VPS54: variants seen among roughly 807,000 people sequenced by gnomAD.
VPS54 encodes the protein vacuolar protein sorting-associated protein 54.
Under a neutral mutation model 121.5 loss-of-function variants are expected in VPS54, and 45 were observed. The ratio of observed to expected loss-of-function variants is 0.37; its 90% CI spans 0.29 to 0.47. The LOEUF is 0.47. Among genes scored for constraint, VPS54 ranks in the 20% least tolerant of loss-of-function variants. VPS54 has a pLI of 0.99. For synonymous variants in VPS54, 371 were observed against 385.8 expected (o/e 0.96, Z 0.45); for missense variants, 1,090 against 1,131.4 (o/e 0.96, Z 0.52).
At chr2:63,925,694 T>G (rs1272428886) in intron 12 of VPS54, among the ~76,000 whole-genome samples, 1 of 152,252 alleles carries the variant, frequency 6.6e-6, no homozygotes, top group African/African-American at 2.4e-5. Context: ...ACAACCTGGA[T>G]AGATATCACA....
In VPS54 at chr2:63,892,463, T is replaced by C. The variant is rs989224605; in HGVS notation, c.*967A>G. On this transcript the variant is annotated 3_prime_UTR_variant, in exon 23 of 23. Coordinates refer to ENST00000272322, the MANE Select transcript of VPS54 (RefSeq NM_016516.3). The stretch of plus-strand genomic sequence containing the variant: ...CACAGCAGCCTATAGTTTTAAAAGT[T>C]CTGTTTCTCCCTGGTCTTTGTTCGT... 1 of 152,516 alleles carries C rather than the reference T, an allele frequency of 6.6e-6. No homozygotes were observed. Among genetic ancestry groups the C allele is most frequent in the Non-Finnish European group, 1.5e-5 (1 of 68,004 alleles). 9.4% of individuals were successfully genotyped at this position (152,516 alleles called of 1,614,324 possible).
At chr2:63,946,477 G>A (rs1447757304) in intron 9 of VPS54, among the ~76,000 whole-genome samples, 1 of 152,038 alleles carries the variant, frequency 6.6e-6, no homozygotes, top group African/African-American at 2.4e-5. Context: ...CAAAGTGGTT[G>A]TACCAATTTA....
chr2:64,004,091 T>C (rs572581371), intron 1 of VPS54, among the ~76,000 whole-genome samples: 1 of 152,158 alleles, frequency 6.6e-6, no homozygotes, highest in African/African-American at 2.4e-5. Context: ...ACTGGCCACA[T>C]TTGGGACAAC....
rs111813991 is a variant in VPS54 at position 63,946,929 on chromosome 2, C to T, written c.1245+454G>A. Among the ~76,000 whole-genome samples, 47 of 151,972 alleles carry T rather than the reference C, an allele frequency of 3.1e-4. 1 individual carries two copies. Among genetic ancestry groups the T allele is most frequent in the African/African-American group, 9.2e-4 (38 of 41,508 alleles). On this transcript the variant is annotated intron_variant, in intron 9 of 22. Coordinates refer to ENST00000272322, the MANE Select transcript of VPS54 (RefSeq NM_016516.3). ...GTCTAAGAACAAACATTCTTAAGTA[C>T]GAAAAACAAACAAAATAACTTTATA...
intron 3 of VPS54, among the ~76,000 whole-genome samples, chr2:63,975,887 A>G (rs947116166): frequency 1.3e-4 from 20 of 152,218 alleles, no homozygotes; most frequent in African/African-American, 4.8e-4. Context: ...CTGGGATTAC[A>G]GGCATGCGCC....
chr2:63,979,902 T>A (rs1676730388), intron 3 of VPS54, among the ~76,000 whole-genome samples: 1 of 152,180 alleles, frequency 6.6e-6, no homozygotes, highest in South Asian at 2.1e-4. Context: ...TAGAATATAG[T>A]CTATGTCCAT....
intron 11 of VPS54, among the ~76,000 whole-genome samples, chr2:63,939,012 T>G (rs1369424106): frequency 6.6e-6 from 1 of 152,172 alleles, no homozygotes; most frequent in African/African-American, 2.4e-5. Context: ...AATATGAAAT[T>G]TATAAATCCC....
intron 10 of VPS54, among the ~76,000 whole-genome samples, chr2:63,943,553 A>T (rs1271798105): frequency 6.6e-6 from 1 of 152,208 alleles, no homozygotes; most frequent in Non-Finnish European, 1.5e-5. Flanking sequence ...TTAATACTCC[A>T]TTCTGTGAGT....
intron 3 of VPS54, among the ~76,000 whole-genome samples, chr2:63,976,825 C>CTTTTTTTT (rs1174931536): frequency 4.5e-5 from 4 of 89,678 alleles, no homozygotes; most frequent in African/African-American, 4.1e-5. Context: ...TATATCTTCT[C>CTTTTTTTT]TTTTTTTTTT....
At chr2:63,997,643 C>T (rs1373083293) in intron 1 of VPS54, among the ~76,000 whole-genome samples, 1 of 151,592 alleles carries the variant, frequency 6.6e-6, no homozygotes, top group Non-Finnish European at 1.5e-5. Flanking sequence ...TTTATCTTTT[C>T]AAAAACCCAA....
intron 1 of VPS54, among the ~76,000 whole-genome samples, chr2:64,017,152 T>C (rs576681781): frequency 0.01 from 1,527 of 150,870 alleles, 15 homozygotes; most frequent in Non-Finnish European, 0.016. Context: ...CCAGCCTGGC[T>C]AATATGGTGA....
intron 12 of VPS54, among the ~76,000 whole-genome samples, chr2:63,930,810 G>A (rs190786947): frequency 0.033 from 4,964 of 152,206 alleles, 180 homozygotes; most frequent in African/African-American, 0.096. Context: ...AGCAACTTCA[G>A]CAAAGTCTCA....
At chr2:63,932,303 T>C (rs1260387622) in intron 12 of VPS54, among the ~76,000 whole-genome samples, 1 of 152,196 alleles carries the variant, frequency 6.6e-6, no homozygotes, top group African/African-American at 2.4e-5. Flanking sequence ...GTGGCACATA[T>C]ACACCGTGGA....
Position 63,949,179 on chromosome 2 carries a change from A to G in VPS54, c.1011-16T>C, listed in dbSNP as rs749361228. On this transcript the variant is annotated splice_polypyrimidine_tract_variant and intron_variant, in intron 7 of 22. Transcript: ENST00000272322. The stretch of plus-strand genomic sequence containing the variant: ...TCCCAAATGCCTAAAAAGGAAGAGA[A>G]AAATGTTATATTTATATTCACTAAA... 1.3e-6 allele frequency: 2 copies of G among 1,599,314 alleles called. No homozygotes were observed. Among genetic ancestry groups the G allele is most frequent in the Middle Eastern group, 2.1e-4 (1 of 4,740 alleles).
intron 1 of VPS54, among the ~76,000 whole-genome samples, chr2:64,000,671 G>C (rs923996240): frequency 3.9e-5 from 6 of 152,196 alleles, no homozygotes; most frequent in African/African-American, 1.2e-4. Flanking sequence ...ATAAAATCTG[G>C]AAGAATTCTC....
At chr2:63,938,262 G>C (rs1335800003) in intron 11 of VPS54, among the ~76,000 whole-genome samples, 1 of 151,124 alleles carries the variant, frequency 6.6e-6, no homozygotes, top group Non-Finnish European at 1.5e-5. Context: ...TACTATGTCA[G>C]GCCTATATTT....
Position 63,916,892 on chromosome 2 carries a change from T to C in VPS54, c.2228+8A>G. 1 of 1,613,296 alleles carries C rather than the reference T, an allele frequency of 6.2e-7. No homozygotes were observed. Among genetic ancestry groups the C allele is most frequent in the South Asian group, 1.1e-5 (1 of 91,010 alleles). On this transcript the variant is annotated splice_region_variant and intron_variant, in intron 16 of 22. Coordinates refer to ENST00000272322, the MANE Select transcript of VPS54 (RefSeq NM_016516.3). ...GACTCAACTACTAAAGAAAAATGTG[T>C]CACTCACCCAACAACTGCATACTGT...
intron 11 of VPS54, among the ~76,000 whole-genome samples, chr2:63,936,143 T>G (rs1045258770): frequency 5.9e-5 from 9 of 152,206 alleles, no homozygotes; most frequent in African/African-American, 2.2e-4. Flanking sequence ...TAAACCAGTT[T>G]GATTTGAATA....
intron 16 of VPS54, among the ~76,000 whole-genome samples, chr2:63,915,888 ACCTTTGAGGAATT>A (rs1673359416): frequency 6.6e-6 from 1 of 152,206 alleles, no homozygotes; most frequent in African/African-American, 2.4e-5. Context: ...CCTCATCTCT[ACCTTTGAGGAATT>A]CAGAGTCAAA....
Sources: allele counts gnomAD v4.1 joint callset (sites outside exome capture counted in the v4.1 genomes callset), GRCh38; gene constraint gnomAD v4.1.1; transcripts MANE v1.5; gene names NCBI Gene and HGNC (gene_info 2026-07-23, HGNC 2026-07-21).